The following ZNF440 variants were observed in gnomAD, a reference collection of about 807,000 sequenced individuals.
ZNF440 encodes the protein zinc finger protein 440.
ZNF440 carries 47 observed loss-of-function variants against 49.7 expected under a neutral mutation model. The ratio of observed to expected loss-of-function variants is 0.95; its 90% confidence interval spans 0.75 to 1.21. The LOEUF (loss-of-function observed/expected upper bound fraction) is 1.21. Ranked by LOEUF, ZNF440 falls within the 50% of genes most tolerant of loss-of-function variation. The pLI is 0.00. For synonymous variants in ZNF440, 255 were observed against 237.7 expected, an observed-to-expected ratio of 1.07 and a Z score of -0.67; for missense variants, 703 against 715.0, an observed-to-expected ratio of 0.98 and a Z score of 0.19.
chr19:11,817,772 T>C (rs767574964), intron 1 of ZNF440: 7 of 152,152 alleles, frequency 4.6e-5, no homozygotes, highest in Non-Finnish European at 8.8e-5. Flanking sequence ...GTTTTTCTTA[T>C]GTAGGGATCT....
At chr19:11,830,144 G>C (rs1568242658) in intron 1 of ZNF440, 139 bp from the exon 2 acceptor site, 15 of 1,494,292 alleles carry the variant, frequency 1.0e-5, no homozygotes, top group African/African-American at 5.6e-5. Context: ...GTATACACAG[G>C]GAGAAAGAGA....
At chr19:11,819,655 C>T (rs924737470) in intron 1 of ZNF440, among the ~76,000 whole-genome samples, 1 of 152,212 alleles carries the variant, frequency 6.6e-6, no homozygotes, top group Admixed American at 6.5e-5. Flanking sequence ...TCGCCTTGGC[C>T]TTCCAAAGTG....
chr19:11,817,129 T>G (rs1568238123), intron 1 of ZNF440: 1 of 152,176 alleles, frequency 6.6e-6, no homozygotes, highest in Non-Finnish European at 1.5e-5. Context: ...ATGGCCCATT[T>G]GGGAAAAACA....
intron 1 of ZNF440, among the ~76,000 whole-genome samples, chr19:11,825,946 G>A (rs1049244600): frequency 6.6e-6 from 1 of 151,592 alleles, no homozygotes; most frequent in African/African-American, 2.4e-5. Context: ...CTCCCGAGTA[G>A]CTGGGATTAC....
chr19:11,814,599 C>T, intron 1 of ZNF440, 149 bp downstream of exon 1: 2 of 924,092 alleles, frequency 2.2e-6, no homozygotes, highest in Admixed American at 4.0e-5. Flanking sequence ...GGGCCGGCAG[C>T]CGGGACCCCG....
At chr19:11,819,961 C>T (rs987591521) in intron 1 of ZNF440, among the ~76,000 whole-genome samples, 5 of 152,142 alleles carry the variant, frequency 3.3e-5, no homozygotes, top group East Asian at 1.9e-4. Flanking sequence ...TCCAAATATA[C>T]GGGATGCAGG....
Position 11,832,032 on chromosome 19 carries a change from T to C in ZNF440, c.856T>C (p.Cys286Arg), listed in dbSNP as rs766719383. ...TCACATGGGAGAAAAGGCTTATCAA[T>C]GTAAGGAATGTGGAAAAGCATTCAC... ...RIHMGEKAYQ[C>R]KECGKAFTCP... is the part of the protein sequence containing the mutation. The change falls in exon 4 of 4, where the codon TGT (cysteine) becomes CGT (arginine). Residue 286 changes from cysteine to arginine, a missense_variant. Coordinates refer to ENST00000304060, the MANE Select transcript of ZNF440 (RefSeq NM_152357.3). 9 of 1,614,016 alleles carry C rather than the reference T, an allele frequency of 5.6e-6. No individual in the cohort carries two copies. Among genetic ancestry groups the C allele is most frequent in the Middle Eastern group, 1.6e-4 (1 of 6,082 alleles).
Position 11,831,574 on chromosome 19 carries a change from C to T in ZNF440, c.398C>T (p.Ala133Val). 6.2e-7 allele frequency: 1 copy of T among 1,614,074 alleles called. No homozygotes were observed. Residue 133 changes from alanine (A) to valine (V), a missense_variant, in exon 4 of 4, where the codon GCA (alanine) becomes GTA (valine). By Grantham distance (64) the Ala-to-Val change is moderately conservative (BLOSUM62 0). Transcript: ENST00000304060. ...MNIRGDIGHK[A>V]YEYQEYGPKP... is the part of the protein sequence containing the mutation. ...ATCAGAGGTGACATTGGACACAAGG[C>T]ATATGAGTATCAGGAATATGGACCA...
rs974203402 is a variant in ZNF440, at chr19:11,824,833, G to A, written c.4-5450G>A. Among the ~76,000 whole-genome samples the A allele has an allele frequency of 4.7e-4, 70 of 150,066 alleles. 1 individual carries two copies. Among genetic ancestry groups the A allele is most frequent in the Admixed American group, 2.0e-4 (3 of 14,894 alleles). On this transcript the variant is annotated intron_variant, in intron 1 of 3. Transcript: ENST00000304060. ...AGCAATCCTTCTGCCTCAGCCTCCC[G>A]AGTAGCTGGGAATACAGGCGCACAC...
In ZNF440 at chr19:11,832,771, G is replaced by A. The variant is rs1039017774; in HGVS notation, c.1595G>A (p.Cys532Tyr). 3.1e-6 allele frequency: 5 copies of A among 1,612,520 alleles called. No individual in the cohort carries two copies. In the Admixed American group the frequency reaches 8.4e-5, roughly 27 times the overall value. ...TCAGAGCTGTGTCAATCCTTTGAAT[G>A]CATGGTAGGACTCACCCTGAAGAGA... ...KPSELCQSFE[C>Y]MVGLTLKRNP... Residue 532 changes from cysteine (C) to tyrosine (Y), a missense_variant, in exon 4 of 4, where the codon TGC becomes TAC. Transcript: ENST00000304060.
chr19:11,816,984 G>A (rs1975740319), intron 1 of ZNF440: 1 of 152,166 alleles, frequency 6.6e-6, no homozygotes, highest in African/African-American at 2.4e-5. Context: ...CTTTTATAAG[G>A]TACATGAGGA....
intron 1 of ZNF440, among the ~76,000 whole-genome samples, chr19:11,820,276 G>T (rs1366483907): frequency 1.3e-5 from 2 of 152,098 alleles, no homozygotes; most frequent in Admixed American, 1.3e-4. Flanking sequence ...GAGTGCAGTG[G>T]CGCGATCTCG....
chr19:11,817,688 G>GGAAA (rs34098810), intron 1 of ZNF440: 1 of 150,418 alleles, frequency 6.6e-6, no homozygotes, highest in Non-Finnish European at 1.5e-5. Context: ...AAAAAAAAAA[G>GGAAA]GAAAGAAAGA....
Position 11,830,629 on chromosome 19 carries a change from A to G in ZNF440, c.143A>G (p.Lys48Arg), listed in dbSNP as rs1387286329. 1.2e-6 allele frequency: 2 copies of G among 1,613,882 alleles called. No individual in the cohort carries two copies. The highest frequency in any genetic ancestry group is 2.2e-5 in the East Asian group (1 of 44,880). ...RNLTSLGKRW[K>R]DQNIEYEHQN... Reference sequence around the variant, plus strand: ...GTCTGTATTTTAGGAAAAAGGTGGAAAGACCAGAACATTGAATATGAGCAC... The same window carrying G: ...GTCTGTATTTTAGGAAAAAGGTGGAGAGACCAGAACATTGAATATGAGCAC... The change falls in exon 3 of 4, where the codon AAA becomes AGA. Residue 48 changes from lysine (K) to arginine (R), a missense_variant. Transcript: ENST00000304060.
At chr19:11,815,327 A>ACAC (rs1568237561) in intron 1 of ZNF440, among the ~76,000 whole-genome samples, 8 of 68,320 alleles carry the variant, frequency 1.2e-4, no homozygotes, top group African/African-American at 3.4e-4. Flanking sequence ...CACACACACA[A>ACAC]ATTAAATAGG....
rs938523114 is a variant in ZNF440 at position 11,824,973 on chromosome 19, C to CT, written c.4-5309dup. On this transcript the variant is annotated intron_variant, in intron 1 of 3. Coordinates refer to ENST00000304060, the MANE Select transcript of ZNF440 (RefSeq NM_152357.3). ...TCGCCCACCTCAGCCTCCCAAAGTG[C>CT]TGGGATTACAGGCGTGAGCCACCGT... 4.6e-5 allele frequency among the ~76,000 whole-genome samples: 7 copies of CT among 152,008 alleles called. 1 individual carries two copies. Among genetic ancestry groups the CT allele is most frequent in the African/African-American group, 1.4e-4 (6 of 41,454 alleles).
chr19:11,830,539 A>G (rs1975923108), intron 2 of ZNF440, 78 bp from the exon 3 acceptor site: 5 of 1,599,790 alleles, frequency 3.1e-6, no homozygotes, highest in Admixed American at 3.5e-5. Context: ...GCTGCAGTAA[A>G]TCATGGGCGT....
intron 1 of ZNF440, chr19:11,817,428 T>A (rs1333014922): frequency 1.3e-5 from 2 of 151,990 alleles, no homozygotes; most frequent in Non-Finnish European, 2.9e-5. Flanking sequence ...AAACCCCATC[T>A]CTTCCAAAAA....
chr19:11,821,683 C>CCT (rs1975802145), intron 1 of ZNF440, among the ~76,000 whole-genome samples: 2 of 152,204 alleles, frequency 1.3e-5, no homozygotes, highest in Non-Finnish European at 2.9e-5. Context: ...GGTGACTGTG[C>CCT]TGACACATGA....
Sources: allele counts gnomAD v4.1 joint callset (sites outside exome capture counted in the v4.1 genomes callset), GRCh38; gene constraint gnomAD v4.1.1; transcripts MANE v1.5; gene names NCBI Gene and HGNC (gene_info 2026-07-23, HGNC 2026-07-21).